SPMIP5: variants seen among roughly 807,000 people sequenced by gnomAD.
The protein encoded by SPMIP5 is sperm-associated microtubule inner protein 5.
At chr10:116,665,867 G>C in the SPMIP5 span, 2 of 1,547,170 alleles carry the variant, frequency 1.3e-6, no homozygotes, top group Non-Finnish European at 1.8e-6. Flanking sequence ...AGCAAGACTG[G>C]CCAGCAAGGA....
the SPMIP5 span, among the ~76,000 whole-genome samples, chr10:116,662,957 C>T: frequency 2.0e-5 from 3 of 151,950 alleles, no homozygotes; most frequent in Non-Finnish European, 4.4e-5. Context: ...CCGAGGCAGG[C>T]GGATCACGAG....
chr10:116,665,109 C>G, the SPMIP5 span: 2 of 1,396,852 alleles, frequency 1.4e-6, no homozygotes, highest in Admixed American at 3.1e-5. Context: ...AGAAATGTTT[C>G]TTTCTGGCCA....
chr10:116,663,736 G>A, the SPMIP5 span: 291 of 683,288 alleles, frequency 4.3e-4, no homozygotes, highest in South Asian at 1.4e-3. Flanking sequence ...GACAAAAAAC[G>A]GTCTTTATCA....
chr10:116,664,323 A>G, the SPMIP5 span: 4 of 1,219,888 alleles, frequency 3.3e-6, no homozygotes, highest in South Asian at 5.9e-5. Context: ...TAAGAATAGA[A>G]TAATAATAAA....
At chr10:116,665,474 C>A in the SPMIP5 span, 59 of 624,960 alleles carry the variant, frequency 9.4e-5, no homozygotes, top group Non-Finnish European at 1.4e-4. Context: ...AGAAATGGAG[C>A]CTTTGCATTT....
the SPMIP5 span, chr10:116,665,694 G>A: frequency 6.2e-7 from 1 of 1,614,166 alleles, no homozygotes; most frequent in Non-Finnish European, 8.5e-7. Flanking sequence ...CAGTTTCGGG[G>A]CAGTGGCCAC....
the SPMIP5 span, chr10:116,665,743 G>C: frequency 6.2e-7 from 1 of 1,614,172 alleles, no homozygotes; most frequent in Non-Finnish European, 8.5e-7. Flanking sequence ...TTATAGCGCT[G>C]TGTTTTCTCC....
the SPMIP5 span, chr10:116,663,651 A>G: frequency 2.4e-6 from 1 of 415,820 alleles, no homozygotes; most frequent in Non-Finnish European, 4.3e-6. Flanking sequence ...ACCCTAGCTC[A>G]TGGTCAACAT....
chr10:116,663,826 A>G, the SPMIP5 span: 1 of 1,413,006 alleles, frequency 7.1e-7, no homozygotes, highest in Non-Finnish European at 9.3e-7. Context: ...TTTATTGCTC[A>G]CTGGGCGTGA....
At chr10:116,665,736 T>A in the SPMIP5 span, 1 of 1,614,202 alleles carries the variant, frequency 6.2e-7, no homozygotes, top group Non-Finnish European at 8.5e-7. Context: ...CTGTTCTTTA[T>A]AGCGCTGTGT....
the SPMIP5 span, chr10:116,665,659 C>A: frequency 6.2e-7 from 1 of 1,614,098 alleles, no homozygotes; most frequent in South Asian, 1.1e-5. Context: ...GCCTGCAGGA[C>A]CGTCTCCTCG....
At chr10:116,665,941 A>C in the SPMIP5 span, 6 of 876,224 alleles carry the variant, frequency 6.8e-6, no homozygotes, top group Middle Eastern at 1.0e-3. Flanking sequence ...TCCTCAGCCA[A>C]CAGCACTACG....
chr10:116,665,698 T>C, the SPMIP5 span: 25 of 1,614,062 alleles, frequency 1.5e-5, no homozygotes, highest in Admixed American at 6.7e-5. Context: ...TTCGGGGCAG[T>C]GGCCACTGCG....
the SPMIP5 span, chr10:116,664,583 G>T: frequency 8.0e-7 from 1 of 1,248,616 alleles, no homozygotes; most frequent in Non-Finnish European, 1.1e-6. Flanking sequence ...CAGGTTGGGA[G>T]CAGAGGGCAC....
chr10:116,664,710 C>A, the SPMIP5 span: 2 of 1,591,014 alleles, frequency 1.3e-6, no homozygotes, highest in South Asian at 1.2e-5. Context: ...CCTGGGTTTG[C>A]ACTTCTCCCT....
chr10:116,663,235 G>A, the SPMIP5 span, among the ~76,000 whole-genome samples: 1 of 151,690 alleles, frequency 6.6e-6, no homozygotes, highest in Non-Finnish European at 1.5e-5. Context: ...GAGGCACCCA[G>A]GGGGCCTGGA....
chr10:116,663,975 C>A, the SPMIP5 span: 3 of 1,540,474 alleles, frequency 1.9e-6, no homozygotes, highest in Non-Finnish European at 2.6e-6. Context: ...GTATACTTGG[C>A]CTCTGAGCAC....
chr10:116,662,627 C>T, the SPMIP5 span, among the ~76,000 whole-genome samples: 13 of 152,172 alleles, frequency 8.5e-5, no homozygotes, highest in African/African-American at 2.2e-4. Context: ...TGGATGACAA[C>T]GGTCTCATTG....
chr10:116,666,042 G>C, the SPMIP5 span, among the ~76,000 whole-genome samples: 1 of 152,356 alleles, frequency 6.6e-6, no homozygotes, highest in East Asian at 1.9e-4. Context: ...TGGAGCTGGG[G>C]AGGGAAGGCC....
Sources: gnomAD v4.1 joint callset for allele counts (sites outside exome capture counted in the v4.1 genomes callset) on GRCh38, gnomAD v4.1.1 for gene constraint, MANE v1.5 for transcripts, NCBI Gene and HGNC (gene_info 2026-07-23, HGNC 2026-07-21) for gene names.